GTF2A1: variants seen among roughly 807,000 people sequenced by gnomAD.
The protein encoded by GTF2A1 is transcription initiation factor IIA subunit 1.
Under a neutral mutation model 54.1 loss-of-function variants are expected in GTF2A1, and 12 were observed. That is an observed-to-expected ratio of 0.22 (90% CI 0.14 to 0.36). The LOEUF (loss-of-function observed/expected upper bound fraction) is 0.36, where lower values mean the gene tolerates loss of function less well. GTF2A1 is among the 10% of genes least tolerant of loss of function. The pLI is 1.00. For missense variants in GTF2A1, 335 were observed against 442.2 expected, an observed-to-expected ratio of 0.76 and a Z score of 2.17; for synonymous variants, 145 against 152.0, an observed-to-expected ratio of 0.95 and a Z score of 0.34.
At chr14:81,203,552 C>T (rs1384202492) in intron 3 of GTF2A1, among the ~76,000 whole-genome samples, 1 of 152,084 alleles carries the variant, frequency 6.6e-6, no homozygotes, top group Non-Finnish European at 1.5e-5. Flanking sequence ...GTAAATAAAC[C>T]TTTTAGATTT....
chr14:81,191,679 T>C (rs572675510), intron 7 of GTF2A1, among the ~76,000 whole-genome samples: 10 of 152,172 alleles, frequency 6.6e-5, no homozygotes, highest in African/African-American at 2.2e-4. Flanking sequence ...CAAAGGTACT[T>C]TGATGGCCTA....
At chr14:81,218,876 C>T (rs542474822) in intron 1 of GTF2A1, among the ~76,000 whole-genome samples, 87 of 150,930 alleles carry the variant, frequency 5.8e-4, no homozygotes, top group Non-Finnish European at 1.1e-3. Flanking sequence ...TATACTGAAG[C>T]TTTAGGTACT....
chr14:81,189,392 C>G (rs1892821754), intron 7 of GTF2A1, among the ~76,000 whole-genome samples: 1 of 152,122 alleles, frequency 6.6e-6, no homozygotes, highest in Non-Finnish European at 1.5e-5. Context: ...GATCAAGTGG[C>G]CAGGCGCGGT....
At chr14:81,192,273 A>C (rs1327670675) in intron 7 of GTF2A1, among the ~76,000 whole-genome samples, 1 of 152,236 alleles carries the variant, frequency 6.6e-6, no homozygotes, top group Non-Finnish European at 1.5e-5. Flanking sequence ...ACACATATTA[A>C]TACAATTTAA....
At chr14:81,195,978 A>T in intron 6 of GTF2A1, 130 bp downstream of exon 6, 1 of 740,212 alleles carries the variant, frequency 1.4e-6, no homozygotes, top group South Asian at 1.8e-5. Flanking sequence ...ATACAGGAGA[A>T]ATTTGAAACA....
rs935478672 is a variant in GTF2A1 at position 81,180,170 on chromosome 14, G to A, written c.*53C>T. The A allele has an allele frequency of 1.7e-5, 13 of 786,280 alleles. No individual in the cohort carries two copies. The highest frequency in any genetic ancestry group is 7.7e-5 in the East Asian group (3 of 38,982). 48.7% of individuals were successfully genotyped at this position (786,280 alleles called of 1,614,324 possible). ...ATATGCCCCAAGTTTCAAACTGTCC[G>A]CTTTACATTTTTTTTAAGTTTCTTT... On this transcript the variant is annotated 3_prime_UTR_variant, in exon 9 of 9. Coordinates refer to ENST00000553612, the MANE Select transcript of GTF2A1 (RefSeq NM_015859.4).
rs1224534246 is a variant in GTF2A1, at chr14:81,179,019, A to G, written c.*1204T>C. The G allele has an allele frequency of 6.6e-6, 1 of 152,196 alleles. No homozygotes were observed. Among genetic ancestry groups the G allele is most frequent in the Non-Finnish European group, 1.5e-5 (1 of 68,042 alleles). 9.4% of individuals were successfully genotyped at this position (152,196 alleles called of 1,614,324 possible). A position where few individuals can be genotyped will look rare whatever the true frequency, so the allele number is the denominator to read the frequency against. On this transcript the variant is annotated 3_prime_UTR_variant, in exon 9 of 9. Transcript: ENST00000553612. ...GTCAAATTTCTATGCTTTCTTCCCAATGTGCAAACTGGAGCCAACGTCTTT... is the reference window on the plus strand; with the variant it reads ...GTCAAATTTCTATGCTTTCTTCCCAGTGTGCAAACTGGAGCCAACGTCTTT...
intron 6 of GTF2A1, among the ~76,000 whole-genome samples, chr14:81,193,102 A>G (rs150330581): frequency 1.3e-5 from 2 of 152,248 alleles, no homozygotes; most frequent in East Asian, 3.9e-4. Context: ...AGCTACCAGG[A>G]CAAAAGTTAT....
intron 1 of GTF2A1, among the ~76,000 whole-genome samples, chr14:81,218,331 T>G (rs1308629654): frequency 6.6e-6 from 1 of 152,208 alleles, no homozygotes; most frequent in African/African-American, 2.4e-5. Flanking sequence ...AGATTTTATT[T>G]TTGTGCCTTA....
Position 81,220,935 on chromosome 14 carries a change from G to A in GTF2A1, c.-417C>T, listed in dbSNP as rs1429739872. On this transcript the variant is annotated 5_prime_UTR_variant, in exon 1 of 9. Coordinates refer to ENST00000553612, the MANE Select transcript of GTF2A1 (RefSeq NM_015859.4). ...CCAACAAGCTGCGCGAGCCACCACCGCCGCCGCCGCCGCCGCCGAGAGACA... is the reference window on the plus strand; with the variant it reads ...CCAACAAGCTGCGCGAGCCACCACCACCGCCGCCGCCGCCGCCGAGAGACA... 3.5e-4 allele frequency: 58 copies of A among 165,974 alleles called. No individual in the cohort carries two copies. Among genetic ancestry groups the A allele is most frequent in the Non-Finnish European group, 6.5e-4 (51 of 77,922 alleles). The allele number at this position is 165,974 out of a possible 1,614,324, so 10.3% of individuals were successfully genotyped here.
intron 4 of GTF2A1, among the ~76,000 whole-genome samples, chr14:81,200,120 G>C (rs914503423): frequency 2.0e-5 from 3 of 152,084 alleles, no homozygotes; most frequent in Non-Finnish European, 4.4e-5. Flanking sequence ...CTCGATATTT[G>C]TGAATTTAAA....
At chr14:81,181,758 G>A (rs946183511) in intron 8 of GTF2A1, among the ~76,000 whole-genome samples, 2 of 152,066 alleles carry the variant, frequency 1.3e-5, no homozygotes, top group African/African-American at 4.8e-5. Context: ...GGCCAGGCTG[G>A]TCTTGAACTC....
rs1179901454 is a variant in GTF2A1 at position 81,176,744 on chromosome 14, T to C, written c.*3479A>G. The stretch of plus-strand genomic sequence containing the variant: ...AGAATTCAAAATCTGCTATAGCTGA[T>C]TCTGACAGGTAGGTGAGAGAAAGAC... On this transcript the variant is annotated 3_prime_UTR_variant, in exon 9 of 9. Transcript: ENST00000553612. The C allele has an allele frequency of 6.6e-6, 1 of 152,096 alleles. No individual in the cohort carries two copies. The highest frequency in any genetic ancestry group is 1.5e-5 in the Non-Finnish European group (1 of 67,964). 9.4% of individuals were successfully genotyped at this position (152,096 alleles called of 1,614,324 possible). A position where few individuals can be genotyped will look rare whatever the true frequency, so the allele number is the denominator to read the frequency against.
chr14:81,218,373 C>CTTAT (rs1020210333), intron 1 of GTF2A1, among the ~76,000 whole-genome samples: 1 of 152,138 alleles, frequency 6.6e-6, no homozygotes, highest in Non-Finnish European at 1.5e-5. Flanking sequence ...TTAACAGCTT[C>CTTAT]ATAAGCCCTA....
rs1228682261 is a variant in GTF2A1 at position 81,204,108 on chromosome 14, A to G, written c.133-4T>C. On this transcript the variant is annotated splice_polypyrimidine_tract_variant and splice_region_variant and intron_variant, in intron 2 of 8. Coordinates refer to ENST00000553612, the MANE Select transcript of GTF2A1 (RefSeq NM_015859.4). ...GCATTAGTTTGTTTTCCCATAACTAAGGCAAAGAACATTAAAGATTTCTAA... is the reference window on the plus strand; with the variant it reads ...GCATTAGTTTGTTTTCCCATAACTAGGGCAAAGAACATTAAAGATTTCTAA... 6.3e-7 allele frequency: 1 copy of G among 1,594,096 alleles called. No homozygotes were observed. Among genetic ancestry groups the G allele is most frequent in the Non-Finnish European group, 8.6e-7 (1 of 1,161,970 alleles).
intron 6 of GTF2A1, among the ~76,000 whole-genome samples, chr14:81,193,911 G>C (rs1402305074): frequency 6.6e-6 from 1 of 152,086 alleles, no homozygotes; most frequent in Non-Finnish European, 1.5e-5. Context: ...CAAAAAAATG[G>C]TATAATAGAC....
In GTF2A1 at chr14:81,196,353, A is replaced by G. The variant is rs959192777; in HGVS notation, c.479-112T>C. 7 of 1,107,816 alleles carry G rather than the reference A, an allele frequency of 6.3e-6. No homozygotes were observed. In the Middle Eastern group the frequency reaches 8.1e-4, roughly 128 times the overall value. The allele number at this position is 1,107,816 out of a possible 1,614,324, so 68.6% of individuals were successfully genotyped here. On this transcript the variant is annotated intron_variant, in intron 5 of 8. Transcript: ENST00000553612. Reference sequence around the variant, plus strand: ...AAAGGCACAAGAAATTATCAAGAAAACTAACAATTTTATTAAAGGTTGTCA... The same window carrying G: ...AAAGGCACAAGAAATTATCAAGAAAGCTAACAATTTTATTAAAGGTTGTCA...
rs1421157211 is a variant in GTF2A1, at chr14:81,175,742, T to C, written c.*4481A>G. ...GTTTGACTAAACAGAGAAATAACAA[T>C]GTTTTTATCCTAAGTAATCTATACT... On this transcript the variant is annotated 3_prime_UTR_variant, in exon 9 of 9. Transcript: ENST00000553612. The C allele has an allele frequency of 6.6e-6, 1 of 152,212 alleles. No homozygotes were observed. Among genetic ancestry groups the C allele is most frequent in the Non-Finnish European group, 1.5e-5 (1 of 68,014 alleles). The allele number at this position is 152,212 out of a possible 1,614,324, so 9.4% of individuals were successfully genotyped here.
chr14:81,194,241 T>C (rs1281528411), intron 6 of GTF2A1, among the ~76,000 whole-genome samples: 5 of 152,096 alleles, frequency 3.3e-5, no homozygotes, highest in Admixed American at 6.5e-5. Context: ...AGGATGGAGG[T>C]TGTGCACTCC....
Sources: allele counts gnomAD v4.1 joint callset (sites outside exome capture counted in the v4.1 genomes callset), GRCh38; gene constraint gnomAD v4.1.1; transcripts MANE v1.5; gene names NCBI Gene and HGNC (gene_info 2026-07-23, HGNC 2026-07-21).